ELOVL2: variants seen among roughly 807,000 people sequenced by gnomAD.
ELOVL2 encodes very long chain fatty acid elongase 2.
ELOVL2 carries 38 observed loss-of-function variants against 37.7 expected under a neutral mutation model. The observed-to-expected ratio is 1.01, with a 90% CI of 0.78 to 1.32. The LOEUF (loss-of-function observed/expected upper bound fraction) is 1.32, where lower values mean the gene tolerates loss of function less well. Among genes scored for constraint, ELOVL2 ranks in the 40% most tolerant of loss-of-function variants. The pLI, the probability that ELOVL2 is intolerant of heterozygous loss-of-function variation, is 0.00. For missense variants in ELOVL2, 352 were observed against 363.6 expected (o/e 0.97, Z 0.26); for synonymous variants, 115 against 122.3 (o/e 0.94, Z 0.40).
chr6:11,036,525 C>G (rs150168995), intron 1 of ELOVL2, among the ~76,000 whole-genome samples: 2 of 152,170 alleles, frequency 1.3e-5, no homozygotes, highest in African/African-American at 4.8e-5. Context: ...CCCACATGTA[C>G]CATTTCGACT....
chr6:11,009,083 A>G lies in ELOVL2; in HGVS notation c.67+1663T>C, dbSNP rs555660355. ...TTATTTGGAAAATATACAGTGCTGA[A>G]TATGTTCCCAGAACTGTAATAAACC... On this transcript the variant is annotated intron_variant, in intron 2 of 7. Coordinates refer to ENST00000354666, the MANE Select transcript of ELOVL2 (RefSeq NM_017770.4). Among the ~76,000 whole-genome samples the G allele has an allele frequency of 5.2e-4, 79 of 152,356 alleles. No individual in the cohort carries two copies. In the East Asian group the frequency reaches 9.1e-3, roughly 17 times the overall value.
At chr6:11,043,321 T>C (rs1352355741) in intron 1 of ELOVL2, among the ~76,000 whole-genome samples, 1 of 152,048 alleles carries the variant, frequency 6.6e-6, no homozygotes, top group South Asian at 2.1e-4. Context: ...CCTTTGAGGA[T>C]GGCACAACAG....
rs1220693099 is a variant in ELOVL2, at chr6:10,983,369, AC to A, written c.*411del. The A allele has an allele frequency of 6.5e-6, 1 of 154,806 alleles. No homozygotes were observed. Among genetic ancestry groups the A allele is most frequent in the Admixed American group, 6.4e-5 (1 of 15,664 alleles). The allele number at this position is 154,806 out of a possible 1,614,324, so 9.6% of individuals were successfully genotyped here. ...TATTGCTTAATATAGATTAGAACAT[AC>A]CCTGTATTTAGAATATAATTAACAT... On this transcript the variant is annotated 3_prime_UTR_variant, in exon 8 of 8. Coordinates refer to ENST00000354666, the MANE Select transcript of ELOVL2 (RefSeq NM_017770.4).
chr6:11,034,144 G>A (rs886484701), intron 1 of ELOVL2, among the ~76,000 whole-genome samples: 8 of 152,136 alleles, frequency 5.3e-5, no homozygotes, highest in Non-Finnish European at 1.0e-4. Context: ...TGACATATTA[G>A]TTCAGCCCCT....
intron 1 of ELOVL2, among the ~76,000 whole-genome samples, chr6:11,032,837 A>G (rs1190526135): frequency 1.3e-5 from 2 of 152,240 alleles, no homozygotes; most frequent in Non-Finnish European, 2.9e-5. Context: ...CATGCAATTG[A>G]GACGACGCCC....
At chr6:10,986,983 C>T (rs1581856562) in intron 7 of ELOVL2, among the ~76,000 whole-genome samples, 1 of 152,144 alleles carries the variant, frequency 6.6e-6, no homozygotes, top group Non-Finnish European at 1.5e-5. Context: ...TGGTCCTGGA[C>T]TCTTTTTGGT....
chr6:11,012,136 C>T (rs1782595048), intron 1 of ELOVL2, among the ~76,000 whole-genome samples: 1 of 152,100 alleles, frequency 6.6e-6, no homozygotes, highest in Non-Finnish European at 1.5e-5. Context: ...TTCAAGGAAA[C>T]GTATGTCTTC....
intron 5 of ELOVL2, among the ~76,000 whole-genome samples, chr6:10,991,429 T>C (rs938175715): frequency 9.5e-6 from 1 of 105,240 alleles, no homozygotes; most frequent in Admixed American, 1.1e-4. Context: ...GAGACATTGA[T>C]TTGACGTAAA....
At chr6:11,043,499 G>T (rs1212027738) in intron 1 of ELOVL2, 1 of 66,636 alleles carries the variant, frequency 1.5e-5, no homozygotes, top group Non-Finnish European at 2.5e-5. Flanking sequence ...GCTTACTGCC[G>T]AGGAGAAAGA....
intron 7 of ELOVL2, among the ~76,000 whole-genome samples, chr6:10,988,750 G>A (rs1364902106): frequency 2.0e-5 from 3 of 152,162 alleles, no homozygotes; most frequent in East Asian, 1.9e-4. Flanking sequence ...ACAAAAGAGA[G>A]CAATTTAAAA....
intron 1 of ELOVL2, among the ~76,000 whole-genome samples, chr6:11,038,326 AAAT>A (rs1783046460): frequency 6.6e-6 from 1 of 152,164 alleles, no homozygotes; most frequent in Admixed American, 6.6e-5. Context: ...TGTAAAGTAA[AAAT>A]AATTATTTAT....
intron 5 of ELOVL2, among the ~76,000 whole-genome samples, chr6:10,994,329 G>A (rs1003351075): frequency 2.0e-5 from 3 of 151,784 alleles, no homozygotes; most frequent in Non-Finnish European, 2.9e-5. Context: ...TTAGCTGGGC[G>A]TGGTGGTGGG....
intron 4 of ELOVL2, 135 bp from the exon 5 acceptor site, chr6:10,995,313 G>C: frequency 1.5e-6 from 1 of 649,978 alleles, no homozygotes; most frequent in Non-Finnish European, 2.7e-6. Context: ...CAGCTCACCT[G>C]GTGTCCTTGT....
intron 1 of ELOVL2, among the ~76,000 whole-genome samples, chr6:11,029,223 C>CAAAAA (rs376639413): frequency 0.13 from 9,751 of 74,868 alleles, 1,048 homozygotes; most frequent in Non-Finnish European, 0.17. Flanking sequence ...AGGGAGATCT[C>CAAAAA]AAAAAAAAAA....
At chr6:11,013,149 T>C (rs1038826943) in intron 1 of ELOVL2, among the ~76,000 whole-genome samples, 1 of 152,208 alleles carries the variant, frequency 6.6e-6, no homozygotes, top group Non-Finnish European at 1.5e-5. Context: ...CCAGGGTCTC[T>C]AGTGACCTAT....
chr6:11,042,990 A>C (rs1302886008), intron 1 of ELOVL2, among the ~76,000 whole-genome samples: 4 of 152,232 alleles, frequency 2.6e-5, no homozygotes, highest in African/African-American at 7.2e-5. Context: ...AACAAGCTAA[A>C]GAAACAAAAT....
At chr6:10,990,489 T>A in intron 5 of ELOVL2, 47 bp from the exon 6 acceptor site, 1 of 1,515,672 alleles carries the variant, frequency 6.6e-7, no homozygotes, top group Non-Finnish European at 8.8e-7. Flanking sequence ...GGAAGGACTG[T>A]TCATTCTTCT....
intron 1 of ELOVL2, among the ~76,000 whole-genome samples, chr6:11,034,048 AGT>A (rs1782974194): frequency 6.6e-6 from 1 of 152,240 alleles, no homozygotes; most frequent in African/African-American, 2.4e-5. Flanking sequence ...ATTAGTAAGA[AGT>A]GGAGTAGGGA....
At chr6:11,025,840 A>G (rs1313394139) in intron 1 of ELOVL2, among the ~76,000 whole-genome samples, 2 of 152,234 alleles carry the variant, frequency 1.3e-5, no homozygotes, top group Non-Finnish European at 2.9e-5. Flanking sequence ...TCAGCTCTCA[A>G]AAATAATTTT....
Sources: gnomAD v4.1 joint callset for allele counts (sites outside exome capture counted in the v4.1 genomes callset) on GRCh38, gnomAD v4.1.1 for gene constraint, MANE v1.5 for transcripts, NCBI Gene and HGNC (gene_info 2026-07-23, HGNC 2026-07-21) for gene names.